Variants in ASTN2 observed in about 807,000 individuals in gnomAD.
ASTN2 encodes the protein astrotactin 2.
ASTN2 carries 54 observed loss-of-function variants against 139.8 expected under a neutral mutation model. The observed-to-expected ratio is 0.39, with a 90% CI of 0.31 to 0.48. The LOEUF is 0.48. Ranked by LOEUF, ASTN2 falls within the 20% of genes least tolerant of loss-of-function variation. ASTN2 has a pLI of 0.95. For synonymous variants in ASTN2, 756 were observed against 719.5 expected (o/e 1.05, Z -0.81); for missense variants, 1,565 against 1,725.1 (o/e 0.91, Z 1.64).
chr9:116,726,217 G>A (rs1416319966), intron 15 of ASTN2, among the ~76,000 whole-genome samples: 2 of 152,100 alleles, frequency 1.3e-5, no homozygotes, highest in Non-Finnish European at 2.9e-5. Flanking sequence ...GTAGACCATG[G>A]GAACTTAAAA....
chr9:116,614,188 A>G (rs1226640572), intron 19 of ASTN2, among the ~76,000 whole-genome samples: 9 of 152,138 alleles, frequency 5.9e-5, no homozygotes, highest in Admixed American at 2.6e-4. Context: ...CCTCTTCACG[A>G]AGAACTACAA....
intron 3 of ASTN2, among the ~76,000 whole-genome samples, chr9:117,160,774 T>C (rs1005976158): frequency 1.3e-5 from 2 of 151,992 alleles, no homozygotes; most frequent in Non-Finnish European, 2.9e-5. Flanking sequence ...CCTGTATATG[T>C]AACACAAAGA....
intron 2 of ASTN2, among the ~76,000 whole-genome samples, chr9:117,233,554 A>T (rs543745481): frequency 1.3e-5 from 2 of 152,318 alleles, no homozygotes; most frequent in East Asian, 3.9e-4. Flanking sequence ...CCCCAAAATG[A>T]ACATCAAATT....
chr9:116,514,106 C>T (rs538345757), intron 19 of ASTN2, among the ~76,000 whole-genome samples: 1 of 151,924 alleles, frequency 6.6e-6, no homozygotes, highest in Non-Finnish European at 1.5e-5. Flanking sequence ...CTTTTCTGCT[C>T]TGTTTTTTTC....
intron 10 of ASTN2, among the ~76,000 whole-genome samples, chr9:116,904,159 C>T (rs1406405468): frequency 6.6e-6 from 1 of 152,136 alleles, no homozygotes; most frequent in Non-Finnish European, 1.5e-5. Context: ...GTAGAGACTC[C>T]CTTGCTTCTG....
intron 16 of ASTN2, among the ~76,000 whole-genome samples, chr9:116,690,195 G>A (rs940785717): frequency 2.6e-5 from 4 of 152,302 alleles, no homozygotes; most frequent in African/African-American, 9.6e-5. Context: ...TGTCCTGTCA[G>A]CCTCAATCTA....
At chr9:117,002,722 C>A (rs59265645) in intron 7 of ASTN2, among the ~76,000 whole-genome samples, 8,782 of 152,212 alleles carry the variant, frequency 0.058, 405 homozygotes, top group African/African-American at 0.13. Flanking sequence ...ACATGTCAGG[C>A]ATTATGCTGA....
At chr9:116,735,673 G>A (rs1488024477) in intron 13 of ASTN2, among the ~76,000 whole-genome samples, 1 of 152,214 alleles carries the variant, frequency 6.6e-6, no homozygotes, top group Non-Finnish European at 1.5e-5. Context: ...AATTCTGCAT[G>A]TGCTGGGTGC....
At chr9:117,216,993 C>T (rs1832343498) in intron 2 of ASTN2, among the ~76,000 whole-genome samples, 1 of 152,210 alleles carries the variant, frequency 6.6e-6, no homozygotes, top group African/African-American at 2.4e-5. Context: ...GTCACACAGT[C>T]AGGATTTAAT....
At chr9:116,724,346 CT>C (rs1828557069) in intron 16 of ASTN2, among the ~76,000 whole-genome samples, 1 of 152,214 alleles carries the variant, frequency 6.6e-6, no homozygotes, top group Non-Finnish European at 1.5e-5. Flanking sequence ...ATTATATCCA[CT>C]GTGCCCATAA....
chr9:116,883,219 C>T (rs1440001699), intron 10 of ASTN2, among the ~76,000 whole-genome samples: 1 of 152,058 alleles, frequency 6.6e-6, no homozygotes, highest in African/African-American at 2.4e-5. Flanking sequence ...ATCATGATTT[C>T]TATGTATAAC....
chr9:116,855,029 T>G (rs1431480459), intron 11 of ASTN2, among the ~76,000 whole-genome samples: 1 of 151,982 alleles, frequency 6.6e-6, no homozygotes, highest in African/African-American at 2.4e-5. Flanking sequence ...AAAGGGGGGC[T>G]GCTTCCTGAC....
chr9:117,381,482 C>A (rs913748056), intron 1 of ASTN2, among the ~76,000 whole-genome samples: 1 of 152,086 alleles, frequency 6.6e-6, no homozygotes, highest in Admixed American at 6.6e-5. Flanking sequence ...TGGTACCACC[C>A]TCAAGATAGT....
chr9:116,762,626 A>G lies in ASTN2; in HGVS notation c.2397-29103T>C, dbSNP rs145914177. Among the ~76,000 whole-genome samples, 46 of 152,344 alleles carry G rather than the reference A, an allele frequency of 3.0e-4. No individual in the cohort carries two copies. The East Asian group carries it at 7.1e-3, about 24-fold the overall frequency. Reference sequence around the variant, plus strand: ...TGGAAAAAAATTAAAAGGTAATAATATTTTGTGTGACATGTGAAAATTCTA... The same window carrying G: ...TGGAAAAAAATTAAAAGGTAATAATGTTTTGTGTGACATGTGAAAATTCTA... On this transcript the variant is annotated intron_variant, in intron 13 of 22. Coordinates refer to ENST00000313400, the MANE Select transcript of ASTN2 (RefSeq NM_001365068.1).
At chr9:116,558,344 A>G (rs756992919) in intron 19 of ASTN2, among the ~76,000 whole-genome samples, 29 of 151,956 alleles carry the variant, frequency 1.9e-4, no homozygotes, top group Non-Finnish European at 2.9e-4. Flanking sequence ...ATACCTCTGC[A>G]AGACAAGTAT....
At chr9:117,173,125 G>A (rs1830832496) in intron 3 of ASTN2, among the ~76,000 whole-genome samples, 2 of 152,042 alleles carry the variant, frequency 1.3e-5, no homozygotes, top group Admixed American at 1.3e-4. Flanking sequence ...CAGCATGTAT[G>A]GCAATAAAGA....
At chr9:116,766,367 G>A (rs1009036301) in intron 13 of ASTN2, among the ~76,000 whole-genome samples, 18 of 150,972 alleles carry the variant, frequency 1.2e-4, no homozygotes, top group African/African-American at 3.9e-4. Context: ...ACATATACAG[G>A]CATACATTCA....
intron 5 of ASTN2, among the ~76,000 whole-genome samples, chr9:117,088,135 T>A (rs1391581745): frequency 6.6e-6 from 1 of 152,186 alleles, no homozygotes. Context: ...CGGAACCTTG[T>A]TGCTTGATGA....
intron 2 of ASTN2, among the ~76,000 whole-genome samples, chr9:117,239,418 C>T (rs1833141840): frequency 6.6e-6 from 1 of 152,174 alleles, no homozygotes; most frequent in Non-Finnish European, 1.5e-5. Flanking sequence ...CCCCTTCTCT[C>T]TCTATAAAAG....
Sources: allele counts gnomAD v4.1 joint callset (sites outside exome capture counted in the v4.1 genomes callset), GRCh38; gene constraint gnomAD v4.1.1; transcripts MANE v1.5; gene names NCBI Gene and HGNC (gene_info 2026-07-23, HGNC 2026-07-21).